LIG3: variants seen among roughly 807,000 people sequenced by gnomAD.
The protein encoded by LIG3 is ligase II, DNA, ATP-dependent.
Under a neutral mutation model 110.9 loss-of-function variants are expected in LIG3, and 58 were observed. That is an observed-to-expected ratio of 0.52 (90% CI 0.42 to 0.65). The LOEUF (loss-of-function observed/expected upper bound fraction) is 0.65, where lower values mean the gene tolerates loss of function less well. LIG3 is among the 30% of genes least tolerant of loss of function. The probability of loss-of-function intolerance (pLI) is 0.00; values close to 1 mark genes in which losing one functional copy is unlikely to be tolerated. For synonymous variants in LIG3, 422 were observed against 472.8 expected, an observed-to-expected ratio of 0.89 and a Z score of 1.39; for missense variants, 1,094 against 1,273.8, an observed-to-expected ratio of 0.86 and a Z score of 2.15.
chr17:34,992,429 T>G (rs2090732069), intron 7 of LIG3, 95 bp from the exon 8 acceptor site: 87 of 1,272,990 alleles, frequency 6.8e-5, no homozygotes, highest in Non-Finnish European at 8.6e-5. Context: ...TCCCTACAGA[T>G]GAGGATTTCT....
At chr17:34,991,617 A>G in intron 5 of LIG3, 54 bp from the exon 6 acceptor site, 1 of 1,583,580 alleles carries the variant, frequency 6.3e-7, no homozygotes, top group Non-Finnish European at 8.6e-7. Context: ...GTCTTGGGGG[A>G]TACACTTGGC....
intron 17 of LIG3, 132 bp from the exon 18 acceptor site, chr17:35,001,777 C>T: frequency 1.3e-6 from 1 of 789,268 alleles, no homozygotes; most frequent in Non-Finnish European, 2.0e-6. Flanking sequence ...AGGGAGCCAA[C>T]TCCTTTTCCT....
chr17:35,002,203 A>C, intron 18 of LIG3, 99 bp downstream of exon 18: 3 of 1,053,506 alleles, frequency 2.8e-6, no homozygotes, highest in Non-Finnish European at 2.7e-6. Context: ...CTGAGATCTC[A>C]TGATTATCTG....
Position 34,999,288 on chromosome 17 carries a change from T to TCTCACACTCCC in LIG3, c.2114-15_2114-5dup. The TCTCACACTCCC allele has an allele frequency of 6.2e-7, 1 of 1,606,596 alleles. No homozygotes were observed. The highest frequency in any genetic ancestry group is 8.5e-7 in the Non-Finnish European group (1 of 1,175,344). Reference sequence around the variant, plus strand: ...AGATGGCTCCTCCAACCCACACTCATCTCACACTCCCCTCCCAGGCGGCAT... The same window carrying TCTCACACTCCC: ...AGATGGCTCCTCCAACCCACACTCATCTCACACTCCCCTCACACTCCCCTCCCAGGCGGCAT... On this transcript the variant is annotated intron_variant, in intron 14 of 19. Coordinates refer to ENST00000378526, the MANE Select transcript of LIG3 (RefSeq NM_013975.4).
rs565984137 is a variant in LIG3 at position 35,008,404 on chromosome 17, C to A, written c.*3898C>A. The A allele has an allele frequency of 6.6e-6, 1 of 152,236 alleles. No individual in the cohort carries two copies. The highest frequency in any genetic ancestry group is 1.5e-5 in the Non-Finnish European group (1 of 68,008). The allele number at this position is 152,236 out of a possible 1,614,324, so 9.4% of individuals were successfully genotyped here. A position where few individuals can be genotyped will look rare whatever the true frequency, so the allele number is the denominator to read the frequency against. On this transcript the variant is annotated 3_prime_UTR_variant, in exon 20 of 20. Coordinates refer to ENST00000378526, the MANE Select transcript of LIG3 (RefSeq NM_013975.4). ...GGCTAATCCCAGGCCATGTGCACAT[C>A]CCAGGATTAGCTTGTGGTTTATCAG...
intron 19 of LIG3, chr17:35,003,178 AAGCAGGTCC>A: frequency 6.6e-7 from 1 of 1,514,952 alleles, no homozygotes; most frequent in Non-Finnish European, 8.9e-7. Context: ...GTCAGGGTGG[AAGCAGGTCC>A]AGCAAGCAGC....
At position 35,005,675 on chromosome 17, in the gene LIG3, C is replaced by T; in HGVS notation, c.*1169C>T. The stretch of plus-strand genomic sequence containing the variant: ...TTCTATTCATTGGATTCGTCTGTGT[C>T]CTACTGAGTTTTTTCATGGCTGGAG... On this transcript the variant is annotated 3_prime_UTR_variant, in exon 20 of 20. Coordinates refer to ENST00000378526, the MANE Select transcript of LIG3 (RefSeq NM_013975.4). The T allele has an allele frequency of 1.8e-6, 1 of 563,776 alleles. No individual in the cohort carries two copies. Among genetic ancestry groups the T allele is most frequent in the Non-Finnish European group, 3.6e-6 (1 of 278,712 alleles). The allele number at this position is 563,776 out of a possible 1,614,324, so 34.9% of individuals were successfully genotyped here.
At chr17:35,010,649 G>C (rs2090931603), downstream of LIG3, 1 of 152,210 alleles carries the variant, frequency 6.6e-6, no homozygotes, top group Non-Finnish European at 1.5e-5. Context: ...CTACTCTGGA[G>C]GCTAAGGCAG....
chr17:35,000,255 T>TTTTTG (rs998693618), intron 16 of LIG3, among the ~76,000 whole-genome samples: 1 of 152,074 alleles, frequency 6.6e-6, no homozygotes, highest in Non-Finnish European at 1.5e-5. Context: ...GCTTTTTTGG[T>TTTTTG]TTTTGTTTTG....
In LIG3 at chr17:35,005,537, A is replaced by T. The variant is rs934256248; in HGVS notation, c.*1031A>T. The T allele has an allele frequency of 2.4e-5, 14 of 576,372 alleles. No individual in the cohort carries two copies. Among genetic ancestry groups the T allele is most frequent in the Non-Finnish European group, 4.5e-5 (13 of 286,624 alleles). The allele number at this position is 576,372 out of a possible 1,614,324, so 35.7% of individuals were successfully genotyped here. A position where few individuals can be genotyped will look rare whatever the true frequency, so the allele number is the denominator to read the frequency against. On this transcript the variant is annotated 3_prime_UTR_variant, in exon 20 of 20. Coordinates refer to ENST00000378526, the MANE Select transcript of LIG3 (RefSeq NM_013975.4). ...TTGGCCTACAAAGTAAATGGACAGT[A>T]TATTATGGAAGGATTTGCATCCAGC... is the stretch of plus-strand genomic sequence containing the variant.
chr17:35,003,204 G>C, intron 19 of LIG3: 1 of 1,482,852 alleles, frequency 6.7e-7, no homozygotes, highest in Non-Finnish European at 9.0e-7. Flanking sequence ...CAGCGAGTCG[G>C]GGAGAGGGCA....
At chr17:34,998,873 A>AG in intron 14 of LIG3, 146 bp downstream of exon 14, 7 of 932,566 alleles carry the variant, frequency 7.5e-6, no homozygotes, top group Non-Finnish European at 1.1e-5. Flanking sequence ...AGCTGGCCTG[A>AG]GTCACCTCAG....
At chr17:34,982,101 CACATTTT>C (rs2090601696) in intron 1 of LIG3, among the ~76,000 whole-genome samples, 2 of 152,098 alleles carry the variant, frequency 1.3e-5, no homozygotes, top group African/African-American at 4.8e-5. Context: ...CATAATTAGC[CACATTTT>C]ACAGATAAGG....
intron 3 of LIG3, among the ~76,000 whole-genome samples, chr17:34,987,991 G>A (rs909846471): frequency 1.3e-5 from 2 of 151,628 alleles, no homozygotes; most frequent in South Asian, 2.1e-4. Context: ...TCAGGAGATC[G>A]AGACCATCCT....
At chr17:34,999,544 C>T in intron 15 of LIG3, 95 bp downstream of exon 15, 5 of 1,459,688 alleles carry the variant, frequency 3.4e-6, no homozygotes, top group Non-Finnish European at 3.7e-6. Context: ...TTCTGTCTCC[C>T]CAGAAAGAAG....
chr17:34,983,583 A>G (rs370728041), intron 2 of LIG3, 31 bp downstream of exon 2: 2 of 1,578,544 alleles, frequency 1.3e-6, no homozygotes, highest in African/African-American at 2.7e-5. Context: ...TTCTCATCTT[A>G]CTGGTGCTGA....
intron 17 of LIG3, 129 bp downstream of exon 17, chr17:35,001,532 G>A (rs928767371): frequency 2.1e-6 from 2 of 967,380 alleles, no homozygotes; most frequent in South Asian, 3.3e-5. Flanking sequence ...GAGCAAGGAG[G>A]GCAATTAGAG....
rs2090901993 is a variant in LIG3 at position 35,007,275 on chromosome 17, A to G, written c.*2769A>G. On this transcript the variant is annotated 3_prime_UTR_variant, in exon 20 of 20. Coordinates refer to ENST00000378526, the MANE Select transcript of LIG3 (RefSeq NM_013975.4). ...TCCCTTCTCTGCCTTAGTGTGTGTT[A>G]TTGCCATTTCAATGTCAGTGGTTTT... 1 of 152,258 alleles carries G rather than the reference A, an allele frequency of 6.6e-6. No individual in the cohort carries two copies. The highest frequency in any genetic ancestry group is 2.4e-5 in the African/African-American group (1 of 41,452). The allele number at this position is 152,258 out of a possible 1,614,324, so 9.4% of individuals were successfully genotyped here.
rs530274151 is a variant in LIG3 at position 35,005,638 on chromosome 17, C to T, written c.*1132C>T. The T allele has an allele frequency of 1.2e-5, 7 of 573,494 alleles. No homozygotes were observed. The highest frequency in any genetic ancestry group is 5.6e-5 in the African/African-American group (3 of 53,696). The allele number at this position is 573,494 out of a possible 1,614,324, so 35.5% of individuals were successfully genotyped here. On this transcript the variant is annotated 3_prime_UTR_variant, in exon 20 of 20. Transcript: ENST00000378526. The stretch of plus-strand genomic sequence containing the variant: ...TGCACCAAATATCCCAAAACTCAAT[C>T]GATTTTTTTTCTTCTATTCATTGGA...
Sources: gnomAD v4.1 joint callset for allele counts (sites outside exome capture counted in the v4.1 genomes callset) on GRCh38, gnomAD v4.1.1 for gene constraint, MANE v1.5 for transcripts, NCBI Gene and HGNC (gene_info 2026-07-23, HGNC 2026-07-21) for gene names.